The following PRKN variants were observed in gnomAD, a reference collection of about 807,000 sequenced individuals.
The protein encoded by PRKN is E3 ubiquitin-protein ligase parkin.
In PRKN, 56 loss-of-function variants were observed where a neutral mutation model predicts 59.5. The ratio of observed to expected loss-of-function variants is 0.94; its 90% confidence interval spans 0.76 to 1.18. PRKN has a LOEUF of 1.18. Among genes scored for constraint, PRKN ranks in the 50% most tolerant of loss-of-function variants. The pLI is 0.00. For synonymous variants in PRKN, 250 were observed against 222.1 expected (o/e 1.13, Z -1.12); for missense variants, 657 against 596.4 (o/e 1.10, Z -1.06).
chr6:162,563,299 A>G (rs1779928457), intron 1 of PRKN, among the ~76,000 whole-genome samples: 1 of 139,798 alleles, frequency 7.2e-6, no homozygotes, highest in Non-Finnish European at 1.5e-5. Flanking sequence ...GCGAGACTCC[A>G]TCTTAAAAAA....
chr6:161,563,326 G>T (rs151295851), intron 8 of PRKN, among the ~76,000 whole-genome samples: 1,991 of 152,284 alleles, frequency 0.013, 42 homozygotes, highest in African/African-American at 0.044. Context: ...ATGGATAAAG[G>T]TTATTTCCAT....
At chr6:161,509,583 A>G (rs965076091) in intron 9 of PRKN, among the ~76,000 whole-genome samples, 3 of 150,986 alleles carry the variant, frequency 2.0e-5, no homozygotes, top group Non-Finnish European at 2.9e-5. Flanking sequence ...CTTTGGGGGG[A>G]AAAAAAGAAA....
intron 1 of PRKN, among the ~76,000 whole-genome samples, chr6:162,505,091 G>T (rs576540940): frequency 1.8e-4 from 27 of 152,236 alleles, no homozygotes; most frequent in Non-Finnish European, 2.8e-4. Flanking sequence ...ACTGCCAGTG[G>T]CCACGTAGGA....
intron 5 of PRKN, among the ~76,000 whole-genome samples, chr6:162,024,615 T>C (rs1783351126): frequency 6.6e-6 from 1 of 152,222 alleles, no homozygotes; most frequent in Non-Finnish European, 1.5e-5. Flanking sequence ...TTCCCAGGAA[T>C]ATTACTTTTT....
At chr6:162,676,841 C>A (rs1433193023) in intron 1 of PRKN, among the ~76,000 whole-genome samples, 1 of 152,012 alleles carries the variant, frequency 6.6e-6, no homozygotes, top group Non-Finnish European at 1.5e-5. Context: ...GCAGGTAGAT[C>A]ATTGAGGCCA....
chr6:162,296,222 C>T (rs1282617326), intron 2 of PRKN, among the ~76,000 whole-genome samples: 1 of 142,102 alleles, frequency 7.0e-6, no homozygotes, highest in Non-Finnish European at 1.5e-5. Context: ...TCCCCCCACC[C>T]CCTTCTATGC....
At chr6:161,557,722 G>C (rs1036089159) in intron 8 of PRKN, among the ~76,000 whole-genome samples, 7 of 152,172 alleles carry the variant, frequency 4.6e-5, no homozygotes, top group African/African-American at 1.2e-4. Flanking sequence ...GGGATCCGAG[G>C]TAAAACTCAA....
At chr6:162,510,961 CAT>C (rs10569158) in intron 1 of PRKN, among the ~76,000 whole-genome samples, 64,288 of 150,908 alleles carry the variant, frequency 0.43, 13,881 homozygotes, top group South Asian at 0.66. Context: ...AACATATATA[CAT>C]ATATATATAT....
At chr6:162,369,974 A>C (rs1210707729) in intron 2 of PRKN, among the ~76,000 whole-genome samples, 1 of 152,076 alleles carries the variant, frequency 6.6e-6, no homozygotes, top group Non-Finnish European at 1.5e-5. Context: ...CAATTAGGTC[A>C]CCCTGTACTT....
chr6:161,607,337 C>A (rs1220537780), intron 7 of PRKN, among the ~76,000 whole-genome samples: 1 of 152,054 alleles, frequency 6.6e-6, no homozygotes, highest in African/African-American at 2.4e-5. Context: ...GACAAGACAT[C>A]TGGAGAAAGT....
chr6:161,997,803 G>A (rs1260073470), intron 5 of PRKN, among the ~76,000 whole-genome samples: 1 of 152,074 alleles, frequency 6.6e-6, no homozygotes, highest in Non-Finnish European at 1.5e-5. Context: ...TTTTTTAGCT[G>A]CAAACATTCC....
chr6:161,545,017 G>A lies in PRKN; in HGVS notation c.1083+3837C>T, dbSNP rs1298270560. 3 of 333,708 alleles carry A rather than the reference G, an allele frequency of 9.0e-6. No individual in the cohort carries two copies. The highest frequency in any genetic ancestry group is 2.2e-5 in the African/African-American group (1 of 45,154). The allele number at this position is 333,708 out of a possible 1,614,324, so 20.7% of individuals were successfully genotyped here. On this transcript the variant is annotated intron_variant, in intron 9 of 11. Coordinates refer to ENST00000366898, the MANE Select transcript of PRKN (RefSeq NM_004562.3). The surrounding 1 kb of genome is among the most constrained non-coding windows in gnomAD (Gnocchi z 4.1). ...AGACCACCCAGGTACATGGTCGTGGGTGAAATGACTAGAAGATTAGAATCC... is the reference window on the plus strand; with the variant it reads ...AGACCACCCAGGTACATGGTCGTGGATGAAATGACTAGAAGATTAGAATCC...
chr6:162,706,927 C>T (rs2128237846), intron 1 of PRKN, among the ~76,000 whole-genome samples: 1 of 152,284 alleles, frequency 6.6e-6, no homozygotes, highest in South Asian at 2.1e-4. Context: ...AAAACAACTT[C>T]TCTTTTGTTT....
intron 7 of PRKN, among the ~76,000 whole-genome samples, chr6:161,713,353 T>C (rs1382235173): frequency 6.6e-6 from 1 of 152,124 alleles, no homozygotes; most frequent in Non-Finnish European, 1.5e-5. Flanking sequence ...TAGTACCCCC[T>C]TCCCAGAGGT....
chr6:162,607,570 G>T (rs1781971966), intron 1 of PRKN, among the ~76,000 whole-genome samples: 1 of 151,928 alleles, frequency 6.6e-6, no homozygotes, highest in Non-Finnish European at 1.5e-5. Flanking sequence ...GGAAACCTGG[G>T]TCTGTTTAAA....
At chr6:161,863,402 A>G (rs1451485646) in intron 6 of PRKN, among the ~76,000 whole-genome samples, 1 of 152,198 alleles carries the variant, frequency 6.6e-6, no homozygotes, top group African/African-American at 2.4e-5. Context: ...GGACTGACAA[A>G]CATGAAAAGA....
At chr6:162,330,570 C>T (rs558531410) in intron 2 of PRKN, among the ~76,000 whole-genome samples, 1 of 152,312 alleles carries the variant, frequency 6.6e-6, no homozygotes, top group South Asian at 2.1e-4. Flanking sequence ...AAGCTCAGAA[C>T]CAAGTCTGCT....
chr6:162,362,867 G>A (rs7449827), intron 2 of PRKN, among the ~76,000 whole-genome samples: 38,614 of 151,540 alleles, frequency 0.25, 5,125 homozygotes, highest in African/African-American at 0.25. Flanking sequence ...AGTGGCTCAC[G>A]CCTGTAATCT....
chr6:161,753,903 C>T (rs1203863934), intron 7 of PRKN, among the ~76,000 whole-genome samples: 1 of 152,014 alleles, frequency 6.6e-6, no homozygotes, highest in Non-Finnish European at 1.5e-5. Context: ...GGAGGGAGAG[C>T]AGAGGAGAGG....
Sources: allele counts gnomAD v4.1 joint callset (sites outside exome capture counted in the v4.1 genomes callset), GRCh38; gene constraint gnomAD v4.1.1; non-coding constraint Gnocchi (gnomAD v3.1); transcripts MANE v1.5; gene names NCBI Gene and HGNC (gene_info 2026-07-23, HGNC 2026-07-21).